Variants in WHRN observed in about 807,000 individuals in gnomAD.
WHRN encodes CASK-interacting protein CIP98.
In WHRN, 41 loss-of-function variants were observed where a neutral mutation model predicts 68.3. The observed-to-expected ratio is 0.60, with a 90% CI of 0.47 to 0.78. The LOEUF is 0.78. Ranked by LOEUF, WHRN falls within the 30% of genes least tolerant of loss-of-function variation. WHRN has a pLI of 0.00. For synonymous variants in WHRN, 560 were observed against 561.3 expected (o/e 1.00, Z 0.03); for missense variants, 1,243 against 1,244.7 (o/e 1.00, Z 0.02).
intron 2 of WHRN, among the ~76,000 whole-genome samples, chr9:114,470,719 T>C (rs1261427951): frequency 5.9e-5 from 9 of 152,140 alleles, no homozygotes. Flanking sequence ...CCCCACTCCA[T>C]GCTGCACCTT....
intron 3 of WHRN, among the ~76,000 whole-genome samples, chr9:114,436,440 A>C (rs897482301): frequency 6.6e-6 from 1 of 152,154 alleles, no homozygotes; most frequent in Non-Finnish European, 1.5e-5. Context: ...ATAATAGGGG[A>C]AAATGTGTTG....
Position 114,423,455 on chromosome 9 carries a change from C to T in WHRN, c.1485G>A (p.Val495=), listed in dbSNP as rs780070527. 1 of 1,614,156 alleles carries T rather than the reference C, an allele frequency of 6.2e-7. No individual in the cohort carries two copies. Among genetic ancestry groups the T allele is most frequent in the South Asian group, 1.1e-5 (1 of 91,086 alleles). The change falls in exon 7 of 12, where the codon GTG becomes GTA. Residue 495 remains valine, a synonymous_variant. Transcript: ENST00000362057. Reference sequence around the variant, plus strand: ...TCATGGACTCAATCTCACGCCTCAGCACCAGGTGGTCGAAGCGTTCTAGGT... The same window carrying T: ...TCATGGACTCAATCTCACGCCTCAGTACCAGGTGGTCGAAGCGTTCTAGGT... ...PQDLERFDHL[V]LRREIESMKA...
At chr9:114,411,347 G>GCA (rs1835423481) in intron 7 of WHRN, among the ~76,000 whole-genome samples, 1 of 152,136 alleles carries the variant, frequency 6.6e-6, no homozygotes, top group Non-Finnish European at 1.5e-5. Context: ...TCAGCAGGAG[G>GCA]CACAGAGAGG....
At chr9:114,407,906 CA>C in intron 8 of WHRN, 40 bp downstream of exon 8, 1 of 1,543,322 alleles carries the variant, frequency 6.5e-7, no homozygotes, top group Non-Finnish European at 8.8e-7. Context: ...GACCTGAGCA[CA>C]CCAGGGAGAG....
chr9:114,479,405 C>T (rs181598285), intron 1 of WHRN, among the ~76,000 whole-genome samples: 2 of 152,266 alleles, frequency 1.3e-5, no homozygotes, highest in Admixed American at 1.3e-4. Context: ...GGACTCTGCC[C>T]AATGCACCCT....
chr9:114,434,265 G>A (rs1453772434), intron 3 of WHRN, among the ~76,000 whole-genome samples: 1 of 152,198 alleles, frequency 6.6e-6, no homozygotes, highest in Non-Finnish European at 1.5e-5. Context: ...GAGAGGTGAA[G>A]CTACTTGCCC....
intron 3 of WHRN, among the ~76,000 whole-genome samples, chr9:114,427,120 A>C (rs1287203288): frequency 1.3e-5 from 2 of 152,152 alleles, no homozygotes; most frequent in African/African-American, 4.8e-5. Flanking sequence ...AGCCGGGCAC[A>C]GTCGTGTGTG....
intron 7 of WHRN, among the ~76,000 whole-genome samples, chr9:114,408,657 G>A (rs1835211399): frequency 6.6e-6 from 1 of 152,236 alleles, no homozygotes; most frequent in African/African-American, 2.4e-5. Flanking sequence ...AGGGCTAAGG[G>A]AGCCAGTTCT....
chr9:114,416,436 G>A (rs142960586), intron 7 of WHRN, among the ~76,000 whole-genome samples: 1 of 152,202 alleles, frequency 6.6e-6, no homozygotes, highest in Non-Finnish European at 1.5e-5. Flanking sequence ...TCTGGTGGGA[G>A]GTGATCGGAT....
Position 114,426,382 on chromosome 9 carries a change from C to A in WHRN, c.995G>T (p.Arg332Leu). The A allele has an allele frequency of 6.2e-7, 1 of 1,613,250 alleles. No individual in the cohort carries two copies. Among genetic ancestry groups the A allele is most frequent in the Non-Finnish European group, 8.5e-7 (1 of 1,179,774 alleles). The change falls in exon 4 of 12, where the codon CGG (arginine) becomes CTG (leucine). Residue 332 changes from arginine (R) to leucine (L), a missense_variant. Physicochemically the swap from Arg to Leu is moderately radical, Grantham distance 102. Coordinates refer to ENST00000362057, the MANE Select transcript of WHRN (RefSeq NM_015404.4). Reference protein sequence around the residue: ...VGDQILEVNGRSFLNILHDEA... With the variant: ...VGDQILEVNGLSFLNILHDEA... The stretch of plus-strand genomic sequence containing the variant: ...GTCGTGTAGGATGTTGAGAAAGCTC[C>A]GCCCATTCACTTCTAGAATCTGGTC...
At chr9:114,406,275 T>G in intron 9 of WHRN, 80 bp downstream of exon 9, 1 of 1,595,118 alleles carries the variant, frequency 6.3e-7, no homozygotes, top group Non-Finnish European at 8.6e-7. Flanking sequence ...GGTCCCCCCC[T>G]TCACTGTGTC....
At chr9:114,502,430 G>C (rs938969665) in intron 1 of WHRN, among the ~76,000 whole-genome samples, 7 of 152,098 alleles carry the variant, frequency 4.6e-5, no homozygotes, top group Non-Finnish European at 8.8e-5. Context: ...AAACAAACAA[G>C]CTAAAGGCTG....
At chr9:114,405,127 T>G (rs1589061108) in intron 9 of WHRN, among the ~76,000 whole-genome samples, 1 of 145,458 alleles carries the variant, frequency 6.9e-6, no homozygotes, top group Non-Finnish European at 1.5e-5. Flanking sequence ...TAGGCTGGAG[T>G]GCAGTGGTGC....
intron 9 of WHRN, among the ~76,000 whole-genome samples, chr9:114,406,097 C>A (rs964712052): frequency 1.3e-5 from 2 of 152,256 alleles, no homozygotes; most frequent in Admixed American, 6.5e-5. Context: ...ACGCTCGCAG[C>A]AACCTGGCAG....
At chr9:114,424,313 G>C in intron 6 of WHRN, 21 bp downstream of exon 6, 1 of 1,611,772 alleles carries the variant, frequency 6.2e-7, no homozygotes, top group South Asian at 1.1e-5. Flanking sequence ...GAAGCCAGTT[G>C]GGAGGCAGGG....
At chr9:114,450,522 A>G (rs1839226949) in intron 3 of WHRN, among the ~76,000 whole-genome samples, 1 of 152,138 alleles carries the variant, frequency 6.6e-6, no homozygotes, top group Non-Finnish European at 1.5e-5. Context: ...CCACCTTCTG[A>G]GCCTCAAGCA....
At chr9:114,488,755 C>T (rs34574218) in intron 1 of WHRN, among the ~76,000 whole-genome samples, 4 of 152,184 alleles carry the variant, frequency 2.6e-5, no homozygotes, top group Admixed American at 2.0e-4. Context: ...AAGTAAAACC[C>T]TAATTAGCAC....
intron 1 of WHRN, 108 bp downstream of exon 1, chr9:114,504,066 AAAAAAAGCCC>A: frequency 6.7e-7 from 1 of 1,484,646 alleles, no homozygotes; most frequent in Non-Finnish European, 9.1e-7. Flanking sequence ...TTAAAAAAAA[AAAAAAAGCCC>A]AGAAAGGCCA....
At chr9:114,436,782 T>A (rs1326877488) in intron 3 of WHRN, among the ~76,000 whole-genome samples, 1 of 151,998 alleles carries the variant, frequency 6.6e-6, no homozygotes, top group African/African-American at 2.4e-5. Context: ...TGAGCCGAGA[T>A]TGCGCCACTG....
Sources: gnomAD v4.1 joint callset for allele counts (sites outside exome capture counted in the v4.1 genomes callset) on GRCh38, gnomAD v4.1.1 for gene constraint, MANE v1.5 for transcripts, NCBI Gene and HGNC (gene_info 2026-07-23, HGNC 2026-07-21) for gene names.